Variants in DMGDH observed in about 807,000 individuals in gnomAD.
DMGDH encodes dimethylglycine dehydrogenase, mitochondrial.
Under a neutral mutation model 95.2 loss-of-function variants are expected in DMGDH, and 76 were observed. That is an observed-to-expected ratio of 0.80 (90% CI 0.66 to 0.97). The LOEUF is 0.97. Among genes scored for constraint, DMGDH ranks in the 50% least tolerant of loss-of-function variants. The probability of loss-of-function intolerance (pLI) is 0.00; values close to 1 mark genes in which losing one functional copy is unlikely to be tolerated. For synonymous variants in DMGDH, 345 were observed against 377.6 expected (o/e 0.91, Z 1.00); for missense variants, 987 against 1,055.0 (o/e 0.94, Z 0.89).
At chr5:79,058,218 G>A (rs1755089351) in intron 2 of DMGDH, among the ~76,000 whole-genome samples, 1 of 152,140 alleles carries the variant, frequency 6.6e-6, no homozygotes, top group Non-Finnish European at 1.5e-5. Context: ...CTCAGACATA[G>A]AAATTATTTA....
chr5:79,019,503 A>T (rs1287519962), intron 14 of DMGDH, among the ~76,000 whole-genome samples: 1 of 152,074 alleles, frequency 6.6e-6, no homozygotes, highest in Non-Finnish European at 1.5e-5. Flanking sequence ...GGAACCATGG[A>T]CCTTACACCT....
intron 14 of DMGDH, among the ~76,000 whole-genome samples, chr5:79,019,476 C>A (rs115012467): frequency 6.6e-6 from 1 of 151,704 alleles, no homozygotes; most frequent in East Asian, 1.9e-4. Context: ...AAAAAATCAC[C>A]TGTGGAGCTT....
chr5:79,053,634 A>G (rs547271305), intron 4 of DMGDH, among the ~76,000 whole-genome samples: 3 of 152,352 alleles, frequency 2.0e-5, no homozygotes, highest in African/African-American at 7.2e-5. Flanking sequence ...ATTATTATTC[A>G]AAAGGAATTA....
chr5:79,032,348 T>C (rs534345445), intron 9 of DMGDH, among the ~76,000 whole-genome samples: 3 of 152,238 alleles, frequency 2.0e-5, no homozygotes, highest in African/African-American at 7.2e-5. Context: ...GTGATTCCAC[T>C]GAGCACCCTA....
intron 14 of DMGDH, chr5:79,020,805 A>G (rs376642158): frequency 2.1e-5 from 21 of 985,264 alleles, no homozygotes; most frequent in African/African-American, 1.9e-4. Context: ...CATATTATAG[A>G]AAACAAATTC....
chr5:79,027,195 G>GT (rs534679180), intron 12 of DMGDH, among the ~76,000 whole-genome samples: 119 of 152,068 alleles, frequency 7.8e-4, no homozygotes, highest in African/African-American at 2.7e-3. Flanking sequence ...TTTTTGTCTT[G>GT]TTTTTTTGTT....
intron 8 of DMGDH, 54 bp from the exon 9 acceptor site, chr5:79,032,894 C>T: frequency 1.9e-6 from 3 of 1,600,716 alleles, no homozygotes; most frequent in Admixed American, 3.3e-5. Flanking sequence ...CAACAAGATA[C>T]TTACATGGGA....
At chr5:79,013,914 T>G (rs932245898) in intron 14 of DMGDH, among the ~76,000 whole-genome samples, 1 of 152,086 alleles carries the variant, frequency 6.6e-6, no homozygotes, top group Non-Finnish European at 1.5e-5. Flanking sequence ...TCCAATCACC[T>G]CCCACCAGGC....
chr5:79,057,222 T>C (rs1016776181), intron 2 of DMGDH, among the ~76,000 whole-genome samples: 15 of 152,204 alleles, frequency 9.9e-5, no homozygotes, highest in African/African-American at 3.4e-4. Context: ...TTCTCAAATC[T>C]GGCAGATGTA....
At chr5:79,022,579 T>G (rs1753896022) in intron 14 of DMGDH, among the ~76,000 whole-genome samples, 1 of 152,180 alleles carries the variant, frequency 6.6e-6, no homozygotes, top group South Asian at 2.1e-4. Flanking sequence ...TTTGTGACAC[T>G]TGAATGAGAA....
In DMGDH at chr5:79,069,605, C is replaced by T; in HGVS notation, c.16G>A (p.Ala6Thr). The change falls in exon 1 of 16, where the codon GCG (alanine) becomes ACG (threonine). Residue 6 changes from alanine to threonine, a missense_variant. Coordinates refer to ENST00000255189, the MANE Select transcript of DMGDH (RefSeq NM_013391.3). ...AGCAGGAGGCCCCGCAGCAGCTGCG[C>T]GCCGGGACGGAGCATGACTAGGCCG... MLRPG[A>T]QLLRGLLLRS... 1 of 1,372,500 alleles carries T rather than the reference C, an allele frequency of 7.3e-7. No homozygotes were observed. Among genetic ancestry groups the T allele is most frequent in the East Asian group, 3.1e-5 (1 of 32,670 alleles). The allele number at this position is 1,372,500 out of a possible 1,614,324, so 85.0% of individuals were successfully genotyped here.
intron 7 of DMGDH, among the ~76,000 whole-genome samples, chr5:79,038,196 AGTGTCAGCTGG>A (rs1376901618): frequency 6.6e-6 from 1 of 152,140 alleles, no homozygotes; most frequent in Non-Finnish European, 1.5e-5. Flanking sequence ...TAATTAAGAG[AGTGTCAGCTGG>A]GTGTGGTGGC....
intron 14 of DMGDH, among the ~76,000 whole-genome samples, chr5:79,023,955 G>A (rs929086931): frequency 3.3e-5 from 5 of 152,070 alleles, no homozygotes; most frequent in African/African-American, 7.2e-5. Flanking sequence ...ACAACATGGC[G>A]CACTTCCAAC....
At chr5:79,014,837 C>T (rs754258932) in intron 14 of DMGDH, among the ~76,000 whole-genome samples, 3 of 151,984 alleles carry the variant, frequency 2.0e-5, no homozygotes, top group Non-Finnish European at 2.9e-5. Context: ...CAATTCAAAC[C>T]CTTCAACAAA....
Position 79,033,314 on chromosome 5 carries a change from T to TA in DMGDH, c.1287dup (p.Asn430Ter). ...GTTGTTGTCCATTTGCCATAGCGAT[T>TA]AGGATCCAATTCTATCAGATCAAAA... is the stretch of plus-strand genomic sequence containing the variant. On this transcript the variant is annotated frameshift_variant, in exon 8 of 16. Transcript: ENST00000255189. LOFTEE classifies it high-confidence loss of function. 1 of 1,614,220 alleles carries TA rather than the reference T, an allele frequency of 6.2e-7. No homozygotes were observed. Among genetic ancestry groups the TA allele is most frequent in the Non-Finnish European group, 8.5e-7 (1 of 1,180,044 alleles).
chr5:79,028,736 T>A, intron 11 of DMGDH, 86 bp from the exon 12 acceptor site: 1 of 1,433,456 alleles, frequency 7.0e-7, no homozygotes. Context: ...ACATGCTTTG[T>A]GTCTAGAGTT....
At chr5:79,004,689 C>G (rs1309160334) in intron 15 of DMGDH, among the ~76,000 whole-genome samples, 1 of 152,298 alleles carries the variant, frequency 6.6e-6, no homozygotes, top group Non-Finnish European at 1.5e-5. Flanking sequence ...CCCATTGATA[C>G]ATTATCTGAC....
intron 7 of DMGDH, among the ~76,000 whole-genome samples, chr5:79,039,717 A>AAAT (rs911777206): frequency 1.4e-4 from 21 of 151,736 alleles, no homozygotes; most frequent in African/African-American, 4.6e-4. Context: ...TAATAATAAT[A>AAAT]AATAATAATA....
intron 10 of DMGDH, chr5:79,030,447 T>G (rs1754128850): frequency 4.0e-6 from 1 of 249,708 alleles, no homozygotes; most frequent in Admixed American, 5.2e-5. Flanking sequence ...AGGTCAGGAG[T>G]TCGAGACCAA....
Sources: allele counts gnomAD v4.1 joint callset (sites outside exome capture counted in the v4.1 genomes callset), GRCh38; gene constraint gnomAD v4.1.1; transcripts MANE v1.5; gene names NCBI Gene and HGNC (gene_info 2026-07-23, HGNC 2026-07-21).